The following FHIT variants were observed in gnomAD, a reference collection of about 807,000 sequenced individuals.
FHIT encodes bis(5'-adenosyl)-triphosphatase.
Under a neutral mutation model 17.9 loss-of-function variants are expected in FHIT, and 19 were observed. The ratio of observed to expected loss-of-function variants is 1.06; its 90% CI spans 0.74 to 1.56. The LOEUF is 1.56. FHIT is among the 40% of genes most tolerant of loss of function. The pLI, the probability that FHIT is intolerant of heterozygous loss-of-function variation, is 0.00. For synonymous variants in FHIT, 81 were observed against 69.7 expected, an observed-to-expected ratio of 1.16 and a Z score of -0.81; for missense variants, 248 against 189.2, an observed-to-expected ratio of 1.31 and a Z score of -1.82.
chr3:60,340,891 T>G (rs998582335), intron 5 of FHIT, among the ~76,000 whole-genome samples: 4 of 152,062 alleles, frequency 2.6e-5, no homozygotes, highest in Non-Finnish European at 5.9e-5. Context: ...GGGGTTTCAC[T>G]ATGTAGGCCA....
chr3:59,765,871 A>C (rs932679485), intron 8 of FHIT, among the ~76,000 whole-genome samples: 2 of 152,230 alleles, frequency 1.3e-5, no homozygotes, highest in Non-Finnish European at 2.9e-5. Context: ...ATATGTTCAC[A>C]TAATTAAATA....
chr3:60,408,726 G>A (rs943010609), intron 5 of FHIT, among the ~76,000 whole-genome samples: 2 of 152,150 alleles, frequency 1.3e-5, no homozygotes, highest in Non-Finnish European at 2.9e-5. Context: ...AAGATCTAAT[G>A]TGATAGGAGA....
At chr3:60,591,153 T>C (rs2038071490) in intron 4 of FHIT, among the ~76,000 whole-genome samples, 1 of 152,066 alleles carries the variant, frequency 6.6e-6, no homozygotes, top group African/African-American at 2.4e-5. Flanking sequence ...AGGAAAAGCA[T>C]AGCACCCCAC....
intron 2 of FHIT, among the ~76,000 whole-genome samples, chr3:61,129,497 T>C (rs2036705302): frequency 6.6e-6 from 1 of 152,160 alleles, no homozygotes; most frequent in African/African-American, 2.4e-5. Flanking sequence ...CCTGATGAAA[T>C]GGCTCCACTC....
chr3:59,788,283 C>T (rs924208661), intron 8 of FHIT, among the ~76,000 whole-genome samples: 2 of 152,200 alleles, frequency 1.3e-5, no homozygotes, highest in Admixed American at 6.5e-5. Context: ...CATCCTGCCT[C>T]AATTGAATCA....
intron 3 of FHIT, among the ~76,000 whole-genome samples, chr3:60,944,684 C>T (rs534113221): frequency 2.6e-5 from 4 of 152,116 alleles, no homozygotes; most frequent in Admixed American, 6.6e-5. Context: ...GTAAATGATG[C>T]GTTTATATCA....
chr3:59,850,734 C>T (rs1197905461), intron 8 of FHIT, among the ~76,000 whole-genome samples: 3 of 152,196 alleles, frequency 2.0e-5, no homozygotes, highest in African/African-American at 4.8e-5. Context: ...GACTGAAGGA[C>T]TCACACATGT....
intron 5 of FHIT, among the ~76,000 whole-genome samples, chr3:60,465,499 C>T (rs1168787165): frequency 2.0e-5 from 3 of 152,040 alleles, no homozygotes; most frequent in African/African-American, 7.2e-5. Flanking sequence ...CCAGTGTCTT[C>T]TTGTAGAAGT....
At chr3:60,421,827 T>C (rs184458260) in intron 5 of FHIT, among the ~76,000 whole-genome samples, 1 of 152,246 alleles carries the variant, frequency 6.6e-6, no homozygotes, top group East Asian at 1.9e-4. Flanking sequence ...ATACAGCTTT[T>C]GTTGTATAGA....
At chr3:60,777,555 G>T (rs917847212) in intron 4 of FHIT, among the ~76,000 whole-genome samples, 11 of 152,176 alleles carry the variant, frequency 7.2e-5, no homozygotes, top group Admixed American at 3.3e-4. Flanking sequence ...ACCTAAAAGG[G>T]TGCCTGGCTC....
At chr3:60,741,536 A>T (rs2042241331) in intron 4 of FHIT, among the ~76,000 whole-genome samples, 1 of 152,212 alleles carries the variant, frequency 6.6e-6, no homozygotes, top group Non-Finnish European at 1.5e-5. Flanking sequence ...GACAGACTCC[A>T]CTCGGACTCA....
intron 3 of FHIT, among the ~76,000 whole-genome samples, chr3:60,859,499 G>A (rs1230341187): frequency 6.6e-6 from 1 of 152,050 alleles, no homozygotes; most frequent in East Asian, 1.9e-4. Flanking sequence ...AAATGACTGA[G>A]TTCCGATCAA....
intron 4 of FHIT, among the ~76,000 whole-genome samples, chr3:60,755,098 A>G (rs531399131): frequency 3.3e-5 from 5 of 152,276 alleles, no homozygotes; most frequent in African/African-American, 1.2e-4. Context: ...GCACTTCTTC[A>G]AGTATATAAA....
At chr3:60,936,599 G>A (rs1708199808) in intron 3 of FHIT, among the ~76,000 whole-genome samples, 1 of 152,126 alleles carries the variant, frequency 6.6e-6, no homozygotes, top group Non-Finnish European at 1.5e-5. Context: ...CCCTTTCCAT[G>A]TGACTATCTT....
At chr3:61,176,784 C>T (rs530263908) in intron 2 of FHIT, among the ~76,000 whole-genome samples, 2 of 152,272 alleles carry the variant, frequency 1.3e-5, no homozygotes, top group South Asian at 2.1e-4. Context: ...TTGCATGGGC[C>T]CTCAGAGTGC....
At chr3:60,651,649 C>G (rs2039994456) in intron 4 of FHIT, among the ~76,000 whole-genome samples, 1 of 151,944 alleles carries the variant, frequency 6.6e-6, no homozygotes, top group Admixed American at 6.5e-5. Flanking sequence ...CAGTTGGAGG[C>G]TGTAGAAAAA....
chr3:60,507,466 TTTTTG>T (rs1028310924), intron 5 of FHIT, among the ~76,000 whole-genome samples: 3 of 152,260 alleles, frequency 2.0e-5, no homozygotes, highest in East Asian at 1.9e-4. Context: ...TAGCAAAGGT[TTTTTG>T]TTTTGTTTTG....
chr3:59,808,787 T>A (rs890974201), intron 8 of FHIT, among the ~76,000 whole-genome samples: 2 of 152,082 alleles, frequency 1.3e-5, no homozygotes, highest in African/African-American at 2.4e-5. Context: ...ACCTAACAGC[T>A]GAGGGCAATA....
chr3:60,829,932 G>T (rs1046315635), intron 3 of FHIT, among the ~76,000 whole-genome samples: 2 of 147,724 alleles, frequency 1.4e-5, no homozygotes, highest in East Asian at 3.9e-4. Flanking sequence ...TACTCATAAG[G>T]GTGTCTCCCT....
Sources: allele counts gnomAD v4.1 joint callset (sites outside exome capture counted in the v4.1 genomes callset), GRCh38; gene constraint gnomAD v4.1.1; transcripts MANE v1.5; gene names NCBI Gene and HGNC (gene_info 2026-07-23, HGNC 2026-07-21).